IFT20: variants seen among roughly 807,000 people sequenced by gnomAD.
IFT20 encodes intraflagellar transport protein 20 homolog.
A neutral mutation model predicts 16.9 loss-of-function variants in IFT20; 4 were observed. That is an observed-to-expected ratio of 0.24 (90% CI 0.12 to 0.54). The LOEUF (loss-of-function observed/expected upper bound fraction) is 0.54. Among genes scored for constraint, IFT20 ranks in the 20% least tolerant of loss-of-function variants. The pLI is 0.95. For missense variants in IFT20, 154 were observed against 149.7 expected (o/e 1.03, Z -0.15); for synonymous variants, 48 against 49.9 (o/e 0.96, Z 0.16).
At chr17:28,334,598 C>T (rs1555577061) in intron 1 of IFT20, among the ~76,000 whole-genome samples, 2 of 152,254 alleles carry the variant, frequency 1.3e-5, no homozygotes, top group East Asian at 1.9e-4. Context: ...TTGGAGGGAA[C>T]AAGAGAGGGC....
intron 1 of IFT20, 165 bp from the exon 2 acceptor site, chr17:28,332,152 C>A: frequency 6.5e-7 from 1 of 1,545,668 alleles, no homozygotes; most frequent in South Asian, 1.2e-5. Flanking sequence ...TCACCTGTTT[C>A]CCATCCAGGT....
chr17:28,329,091 T>C, intron 4 of IFT20, 82 bp downstream of exon 4: 1 of 904,660 alleles, frequency 1.1e-6, no homozygotes, highest in Non-Finnish European at 1.8e-6. Context: ...TGATGAAGAA[T>C]AAGGACAAGA....
In IFT20 at chr17:28,330,462, GCTT is replaced by G; in HGVS notation, c.191_193del (p.Glu64del). ...TCTTACCTTCATCTTTTCATTTTCT[GCTT>G]CTTTTGCAAGTTGATCAACAAGCTC... On this transcript the variant is annotated inframe_deletion, in exon 3 of 5. Transcript: ENST00000395418. The G allele has an allele frequency of 6.2e-7, 1 of 1,613,356 alleles. No individual in the cohort carries two copies. The highest frequency in any genetic ancestry group is 8.5e-7 in the Non-Finnish European group (1 of 1,179,312).
intron 1 of IFT20, among the ~76,000 whole-genome samples, chr17:28,334,605 G>T (rs1555577064): frequency 1.3e-5 from 2 of 152,230 alleles, no homozygotes; most frequent in African/African-American, 4.8e-5. Flanking sequence ...GAACAAGAGA[G>T]GGCAAAGCCC....
At chr17:28,332,162 T>C (rs1555576665) in intron 1 of IFT20, 175 bp from the exon 2 acceptor site, 2 of 1,541,614 alleles carry the variant, frequency 1.3e-6, no homozygotes, top group Non-Finnish European at 1.7e-6. Context: ...CCCATCCAGG[T>C]TCCCTAGAGG....
chr17:28,329,325 C>T (rs1254512073), intron 3 of IFT20, 49 bp from the exon 4 acceptor site: 18 of 1,442,556 alleles, frequency 1.2e-5, no homozygotes, highest in Non-Finnish European at 1.6e-5. Context: ...CCATCTACAG[C>T]ATCAAGTCCT....
chr17:28,329,284 A>T lies in IFT20; in HGVS notation c.214-8T>A. 6.2e-7 allele frequency: 1 copy of T among 1,609,158 alleles called. No homozygotes were observed. Among genetic ancestry groups the T allele is most frequent in the Non-Finnish European group, 8.5e-7 (1 of 1,176,448 alleles). Reference sequence around the variant, plus strand: ...GTTCCGAGCACCGATGGCCTACAGTATTGCCAGAGAAGGCCATGGCTTCAT... The same window carrying T: ...GTTCCGAGCACCGATGGCCTACAGTTTTGCCAGAGAAGGCCATGGCTTCAT... On this transcript the variant is annotated splice_polypyrimidine_tract_variant and splice_region_variant and intron_variant, in intron 3 of 4. Coordinates refer to ENST00000395418, the MANE Select transcript of IFT20 (RefSeq NM_001267776.2).
At chr17:28,332,134 T>A in intron 1 of IFT20, 147 bp from the exon 2 acceptor site, 1 of 1,558,214 alleles carries the variant, frequency 6.4e-7, no homozygotes, top group Non-Finnish European at 8.7e-7. Flanking sequence ...CCACCACCTC[T>A]CTGAGCCTCA....
In IFT20 at chr17:28,331,920, C is replaced by T. The variant is rs1555576604; in HGVS notation, c.66G>A (p.Leu22=). Residue 22 remains leucine, a synonymous_variant, in exon 2 of 5, where the codon TTG becomes TTA. Coordinates refer to ENST00000395418, the MANE Select transcript of IFT20 (RefSeq NM_001267776.2). ...TGGTCTGCTGGGTAACCTCTGGGTC[C>T]AACACCCTCAGCTTGTTCAGTTCAT... ...HFDELNKLRV[L]DPEVTQQTIE... is the part of the protein sequence containing the mutation. 6.2e-7 allele frequency: 1 copy of T among 1,614,114 alleles called. No homozygotes were observed. Among genetic ancestry groups the T allele is most frequent in the African/African-American group, 1.3e-5 (1 of 74,934 alleles).
At position 28,335,334 on chromosome 17, in the gene IFT20, G is replaced by C. The variant is rs1907079566; in HGVS notation, c.-3+6C>G. The C allele has an allele frequency of 6.6e-6, 1 of 152,304 alleles. No homozygotes were observed. The highest frequency in any genetic ancestry group is 2.4e-5 in the African/African-American group (1 of 41,450). The allele number at this position is 152,304 out of a possible 1,614,324, so 9.4% of individuals were successfully genotyped here. Reference sequence around the variant, plus strand: ...GCCCGCGTCCCCCGACCCGAGGTCAGCCTACCTGCCGGCCCCGCGGCGGCA... The same window carrying C: ...GCCCGCGTCCCCCGACCCGAGGTCACCCTACCTGCCGGCCCCGCGGCGGCA... On this transcript the variant is annotated splice_donor_region_variant and intron_variant, in intron 1 of 4. Coordinates refer to ENST00000395418, the MANE Select transcript of IFT20 (RefSeq NM_001267776.2).
intron 3 of IFT20, chr17:28,330,102 G>T: frequency 1.7e-6 from 1 of 579,846 alleles, no homozygotes; most frequent in South Asian, 2.2e-5. Flanking sequence ...TGGGTGTGGT[G>T]GCACACACCT....
chr17:28,334,609 A>C (rs1266399783), intron 1 of IFT20, among the ~76,000 whole-genome samples: 2 of 152,278 alleles, frequency 1.3e-5, no homozygotes, highest in African/African-American at 4.8e-5. Flanking sequence ...AAGAGAGGGC[A>C]AAGCCCCAAG....
Position 28,328,620 on chromosome 17 carries a change from T to C in IFT20, c.*32A>G, listed in dbSNP as rs563673798. 3.2e-4 allele frequency: 470 copies of C among 1,467,412 alleles called. 1 individual carries two copies. The African/African-American group carries it at 6.1e-3, about 19-fold the overall frequency. 90.9% of individuals were successfully genotyped at this position (1,467,412 alleles called of 1,614,324 possible). The stretch of plus-strand genomic sequence containing the variant: ...GGTTTTGAGAGGCTTTTTTTTGTTT[T>C]GCCTTCCTACTATAAAAGCGAAATT... On this transcript the variant is annotated 3_prime_UTR_variant, in exon 5 of 5. Transcript: ENST00000395418.
Position 28,329,237 on chromosome 17 carries a change from G to C in IFT20, c.253C>G (p.Gln85Glu). 1 of 1,614,116 alleles carries C rather than the reference G, an allele frequency of 6.2e-7. No individual in the cohort carries two copies. The highest frequency in any genetic ancestry group is 8.5e-7 in the Non-Finnish European group (1 of 1,180,018). The change falls in exon 4 of 5, where the codon CAG becomes GAG. Residue 85 changes from glutamine to glutamate, a missense_variant. Physicochemically the swap from Gln to Glu is conservative, Grantham distance 29. Transcript: ENST00000395418. ...ARNLLKSIAK[Q>E]REAQQQQLQA... ...AGTTGCTGCTGTTGAGCTTCTCTCT[G>C]CTTTGCTATAGATTTGAGCAAGTTC...
At chr17:28,332,541 T>C (rs1322979103) in intron 1 of IFT20, 2 of 201,440 alleles carry the variant, frequency 9.9e-6, no homozygotes, top group African/African-American at 2.3e-5. Flanking sequence ...ATATCACCAG[T>C]TATGTACTGA....
At chr17:28,335,118 A>G (rs2142377203) in intron 1 of IFT20, among the ~76,000 whole-genome samples, 1 of 152,276 alleles carries the variant, frequency 6.6e-6, no homozygotes, top group Admixed American at 6.5e-5. Flanking sequence ...TTTACTATGT[A>G]AACTCCCCGA....
chr17:28,331,462 T>C (rs1333285174), intron 2 of IFT20: 1 of 172,496 alleles, frequency 5.8e-6, no homozygotes, highest in East Asian at 1.6e-4. Flanking sequence ...TCTAGAAACT[T>C]CACCTATCAC....
chr17:28,332,941 A>AT (rs1445916476), intron 1 of IFT20, among the ~76,000 whole-genome samples: 2 of 152,018 alleles, frequency 1.3e-5, no homozygotes, highest in African/African-American at 4.8e-5. Flanking sequence ...AGGAGTTTGG[A>AT]TTTTTTCTGT....
chr17:28,329,461 G>C, intron 3 of IFT20, 185 bp from the exon 4 acceptor site: 1 of 572,916 alleles, frequency 1.7e-6, no homozygotes, highest in South Asian at 2.2e-5. Flanking sequence ...TCAAGAACTA[G>C]ACGGCAGCTT....
Sources: allele counts gnomAD v4.1 joint callset (sites outside exome capture counted in the v4.1 genomes callset), GRCh38; gene constraint gnomAD v4.1.1; transcripts MANE v1.5; gene names NCBI Gene and HGNC (gene_info 2026-07-23, HGNC 2026-07-21).